ADAMTS17: variants seen among roughly 807,000 people sequenced by gnomAD.
ADAMTS17 encodes the protein ADAM metallopeptidase with thrombospondin type 1 motif 17.
In ADAMTS17, 113 loss-of-function variants were observed where a neutral mutation model predicts 141.5. The observed-to-expected ratio is 0.80, with a 90% CI of 0.69 to 0.93. ADAMTS17 has a LOEUF of 0.93. ADAMTS17 is among the 40% of genes least tolerant of loss of function. The probability of loss-of-function intolerance (pLI) is 0.00; values close to 1 mark genes in which losing one functional copy is unlikely to be tolerated. For synonymous variants in ADAMTS17, 768 were observed against 630.6 expected (o/e 1.22, Z -3.27); for missense variants, 1,659 against 1,517.9 (o/e 1.09, Z -1.54).
At chr15:100,100,182 G>GT (rs1440005289) in intron 14 of ADAMTS17, among the ~76,000 whole-genome samples, 1 of 151,608 alleles carries the variant, frequency 6.6e-6, no homozygotes, top group African/African-American at 2.4e-5. Flanking sequence ...ACACCCCAGA[G>GT]TGTGTGCTAA....
chr15:100,199,483 G>T, intron 7 of ADAMTS17, 60 bp from the exon 8 acceptor site: 1 of 1,415,142 alleles, frequency 7.1e-7, no homozygotes, highest in Non-Finnish European at 1.0e-6. Context: ...GTCTCACCGG[G>T]CAAGTCCGCA....
chr15:100,105,340 G>A (rs1386048717), intron 14 of ADAMTS17, among the ~76,000 whole-genome samples: 1 of 152,220 alleles, frequency 6.6e-6, no homozygotes, highest in Non-Finnish European at 1.5e-5. Flanking sequence ...GCACCCTGGT[G>A]ACTCTACTTG....
At chr15:100,321,829 C>G (rs1175819097) in intron 3 of ADAMTS17, among the ~76,000 whole-genome samples, 1 of 152,206 alleles carries the variant, frequency 6.6e-6, no homozygotes, top group African/African-American at 2.4e-5. Context: ...TGACATCACA[C>G]TAACTTCAGT....
chr15:100,184,266 CTGTGGAAAGCTCCA>C (rs147465265), intron 8 of ADAMTS17, among the ~76,000 whole-genome samples: 9,221 of 134,472 alleles, frequency 0.069, 348 homozygotes, highest in East Asian at 0.16. Flanking sequence ...ATGTCTAAGA[CTGTGGAAAGCTCCA>C]GACTGTGGAA....
chr15:100,115,893 G>T (rs1449842266), intron 13 of ADAMTS17, among the ~76,000 whole-genome samples: 1 of 152,168 alleles, frequency 6.6e-6, no homozygotes, highest in Non-Finnish European at 1.5e-5. Flanking sequence ...CTTATTTTCT[G>T]TGAGTCAACT....
intron 15 of ADAMTS17, among the ~76,000 whole-genome samples, chr15:100,072,132 A>G (rs1434173407): frequency 6.7e-6 from 1 of 150,118 alleles, no homozygotes. Context: ...AGAGAGCCAA[A>G]TCATGAGTGA....
rs62038111 is a variant in ADAMTS17 at position 100,331,325 on chromosome 15, C to T, written c.451-271G>A. Among the ~76,000 whole-genome samples the T allele has an allele frequency of 0.063, 9,647 of 152,142 alleles. 435 individuals carry two copies. The highest frequency in any genetic ancestry group is 0.099 in the Non-Finnish European group (6,739 of 67,996). On this transcript the variant is annotated intron_variant, in intron 2 of 21. Coordinates refer to ENST00000268070, the MANE Select transcript of ADAMTS17 (RefSeq NM_139057.4). ...CATGTTGGCTTTCAGAGAAGATGAA[C>T]TACTTCATTATCAAATTTTTAATTT...
intron 8 of ADAMTS17, among the ~76,000 whole-genome samples, chr15:100,156,891 G>A (rs936652402): frequency 4.6e-5 from 7 of 152,186 alleles, no homozygotes; most frequent in African/African-American, 1.7e-4. Context: ...CTTTGTGTGA[G>A]GAAAGTGTAT....
At chr15:100,135,193 A>C (rs1212645234) in intron 10 of ADAMTS17, among the ~76,000 whole-genome samples, 1 of 152,256 alleles carries the variant, frequency 6.6e-6, no homozygotes, top group East Asian at 1.9e-4. Flanking sequence ...GAAAAGAAGA[A>C]TGAGGTTAGA....
At chr15:99,999,995 G>A (rs945266472) in intron 18 of ADAMTS17, among the ~76,000 whole-genome samples, 5 of 152,184 alleles carry the variant, frequency 3.3e-5, no homozygotes, top group Admixed American at 6.5e-5. Context: ...TCCATGGCTC[G>A]CATGGCAGGG....
At chr15:100,251,002 G>A (rs531912598) in intron 7 of ADAMTS17, among the ~76,000 whole-genome samples, 1 of 152,180 alleles carries the variant, frequency 6.6e-6, no homozygotes, top group Non-Finnish European at 1.5e-5. Flanking sequence ...TGTTCTGACT[G>A]GCTTAATCAT....
At chr15:100,201,246 G>A (rs531600378) in intron 7 of ADAMTS17, among the ~76,000 whole-genome samples, 3 of 152,148 alleles carry the variant, frequency 2.0e-5, no homozygotes, top group Non-Finnish European at 4.4e-5. Flanking sequence ...TGGATCATGG[G>A]AACAGTTTCC....
chr15:100,224,855 A>C (rs2042247009), intron 7 of ADAMTS17, among the ~76,000 whole-genome samples: 1 of 152,264 alleles, frequency 6.6e-6, no homozygotes, highest in South Asian at 2.1e-4. Flanking sequence ...GGCCACCCAC[A>C]GGTTTTAAGG....
intron 18 of ADAMTS17, among the ~76,000 whole-genome samples, chr15:100,038,500 G>GTCTT (rs142753421): frequency 0.046 from 7,010 of 152,170 alleles, 331 homozygotes; most frequent in African/African-American, 0.12. Context: ...GAAAATGAAT[G>GTCTT]TCTATTTGAG....
chr15:100,013,249 T>A (rs948532210), intron 18 of ADAMTS17, among the ~76,000 whole-genome samples: 3 of 152,232 alleles, frequency 2.0e-5, no homozygotes, highest in Non-Finnish European at 4.4e-5. Flanking sequence ...CTGGAAACTT[T>A]GCTGAATTCT....
rs148753015 is a variant in ADAMTS17, at chr15:99,986,763, T to G, written c.2949+6285A>C. On this transcript the variant is annotated intron_variant, in intron 20 of 21. Transcript: ENST00000268070. ...CATGCTATCTAGAAAGAAAGGAGAT[T>G]TCCTCCTCCCCAATTTTAAGGGCCC... is the stretch of plus-strand genomic sequence containing the variant. Among the ~76,000 whole-genome samples, 1,374 of 152,256 alleles carry G rather than the reference T, an allele frequency of 9.0e-3. 24 individuals carry two copies. The highest frequency in any genetic ancestry group is 0.031 in the African/African-American group (1,305 of 41,542).
At chr15:100,149,373 C>T (rs1034364004) in intron 10 of ADAMTS17, among the ~76,000 whole-genome samples, 2 of 152,216 alleles carry the variant, frequency 1.3e-5, no homozygotes, top group Non-Finnish European at 2.9e-5. Context: ...ATGTTCAGTT[C>T]TTTGTCCTCC....
chr15:100,253,812 C>A (rs776953211), intron 7 of ADAMTS17, among the ~76,000 whole-genome samples: 1 of 152,088 alleles, frequency 6.6e-6, no homozygotes, highest in Non-Finnish European at 1.5e-5. Flanking sequence ...AGCAGGCTGC[C>A]TCTCCTGCCT....
intron 18 of ADAMTS17, among the ~76,000 whole-genome samples, chr15:100,018,674 C>A (rs2863774): frequency 0.6 from 91,497 of 152,060 alleles, 29,579 homozygotes; most frequent in Non-Finnish European, 0.74. Flanking sequence ...GCCAATGAAG[C>A]CTCTTCTCTT....
Sources: allele counts gnomAD v4.1 joint callset (sites outside exome capture counted in the v4.1 genomes callset), GRCh38; gene constraint gnomAD v4.1.1; transcripts MANE v1.5; gene names NCBI Gene and HGNC (gene_info 2026-07-23, HGNC 2026-07-21).